SEC23A: variants seen among roughly 807,000 people sequenced by gnomAD.
The protein encoded by SEC23A is protein transport protein Sec23A.
SEC23A carries 56 observed loss-of-function variants against 103.7 expected under a neutral mutation model. The observed-to-expected ratio is 0.54, with a 90% CI of 0.44 to 0.67. The LOEUF (loss-of-function observed/expected upper bound fraction) is 0.67. Among genes scored for constraint, SEC23A ranks in the 30% least tolerant of loss-of-function variants. SEC23A has a pLI of 0.00. For missense variants in SEC23A, 784 were observed against 936.4 expected, an observed-to-expected ratio of 0.84 and a Z score of 2.12; for synonymous variants, 281 against 293.0, an observed-to-expected ratio of 0.96 and a Z score of 0.42.
chr14:39,036,157 A>G (rs1885452132), intron 19 of SEC23A, among the ~76,000 whole-genome samples: 1 of 151,754 alleles, frequency 6.6e-6, no homozygotes. Context: ...CATCTCTACT[A>G]AAAATACCAA....
intron 1 of SEC23A, among the ~76,000 whole-genome samples, 173 bp downstream of exon 1, chr14:39,102,859 A>T (rs763450649): frequency 6.6e-6 from 1 of 152,080 alleles, no homozygotes; most frequent in Non-Finnish European, 1.5e-5. Flanking sequence ...GGCAGAGCGA[A>T]GTGGGTGAGA....
At chr14:39,053,765 T>C (rs1217492728) in intron 14 of SEC23A, among the ~76,000 whole-genome samples, 1 of 152,148 alleles carries the variant, frequency 6.6e-6, no homozygotes, top group Non-Finnish European at 1.5e-5. Context: ...CAAAAGGGTG[T>C]TTAAGCTAGA....
chr14:39,096,433 G>A (rs1887895265), intron 1 of SEC23A, among the ~76,000 whole-genome samples: 1 of 152,038 alleles, frequency 6.6e-6, no homozygotes, highest in African/African-American at 2.4e-5. Flanking sequence ...AGGAGGCTGA[G>A]GCAGGAGAAT....
intron 7 of SEC23A, among the ~76,000 whole-genome samples, chr14:39,077,226 T>A (rs1887059611): frequency 9.4e-5 from 2 of 21,326 alleles, no homozygotes; most frequent in Admixed American, 6.9e-4. Context: ...AGACTCCATC[T>A]CAAAAAAAAA....
intron 13 of SEC23A, among the ~76,000 whole-genome samples, chr14:39,058,503 T>G (rs1269288111): frequency 1.3e-5 from 2 of 152,034 alleles, no homozygotes; most frequent in Non-Finnish European, 2.9e-5. Flanking sequence ...GAGACGGGGT[T>G]TCACCTTGTT....
At chr14:39,061,914 T>G in intron 12 of SEC23A, 43 bp from the exon 13 acceptor site, 1 of 1,248,222 alleles carries the variant, frequency 8.0e-7, no homozygotes, top group Middle Eastern at 1.9e-4. Context: ...AAATTTACTA[T>G]GCTGTTGTCA....
In SEC23A at chr14:39,086,960, GACC is replaced by G; in HGVS notation, c.649_651del (p.Gly217del). 1.9e-6 allele frequency: 3 copies of G among 1,597,660 alleles called. No homozygotes were observed. The highest frequency in any genetic ancestry group is 2.2e-5 in the South Asian group (2 of 90,788). On this transcript the variant is annotated inframe_deletion, in exon 6 of 20. Coordinates refer to ENST00000307712, the MANE Select transcript of SEC23A (RefSeq NM_006364.4). ...GAAGGAGGTGGCTGCTGTACCTGAG[GACC>G]ACGTGTTGCTTGAGTAAGTGGTACT... is the stretch of plus-strand genomic sequence containing the variant.
chr14:39,059,285 A>T (rs1481693657), intron 13 of SEC23A, among the ~76,000 whole-genome samples: 1 of 77,124 alleles, frequency 1.3e-5, no homozygotes, highest in African/African-American at 5.5e-5. Flanking sequence ...GTTTAAAAAA[A>T]AAAAAAAAAA....
intron 15 of SEC23A, chr14:39,047,297 G>A (rs964037245): frequency 1.5e-5 from 12 of 791,528 alleles, no homozygotes; most frequent in Non-Finnish European, 1.8e-5. Context: ...CAAATACTTA[G>A]GCTAATGCCC....
At chr14:39,094,422 ATATATATATATATATATATATTTTTTTTT>A (rs1887803375) in intron 2 of SEC23A, among the ~76,000 whole-genome samples, 2 of 63,498 alleles carry the variant, frequency 3.1e-5, no homozygotes, top group African/African-American at 2.2e-4. Flanking sequence ...ATATATATAT[ATATATATATATATATATATATTTTTTTTT>A]TTTTTTTTTC....
intron 16 of SEC23A, among the ~76,000 whole-genome samples, chr14:39,044,850 T>TA (rs1885775228): frequency 6.6e-6 from 1 of 152,158 alleles, no homozygotes; most frequent in Non-Finnish European, 1.5e-5. Flanking sequence ...TGGACATTGT[T>TA]AAAGACGTAA....
intron 7 of SEC23A, among the ~76,000 whole-genome samples, chr14:39,083,563 C>CTTTTT (rs71130810): frequency 5.4e-5 from 5 of 91,808 alleles, no homozygotes; most frequent in Admixed American, 2.6e-4. Flanking sequence ...AATAAACTTT[C>CTTTTT]TTTTTTTTTT....
chr14:39,039,486 A>T (rs1885564840), intron 18 of SEC23A: 1 of 197,880 alleles, frequency 5.1e-6, no homozygotes, highest in Admixed American at 5.7e-5. Context: ...TAAAATAATG[A>T]CCCTTAAGCT....
At chr14:39,075,799 C>T (rs1344423668) in intron 8 of SEC23A, 136 bp downstream of exon 8, 3 of 736,696 alleles carry the variant, frequency 4.1e-6, no homozygotes. Context: ...ATGAATATTT[C>T]TCCAATTCTG....
At chr14:39,038,904 C>T in intron 19 of SEC23A, 127 bp downstream of exon 19, 3 of 839,694 alleles carry the variant, frequency 3.6e-6, no homozygotes, top group Middle Eastern at 3.5e-4. Context: ...TTTCTACTCT[C>T]ATTTTTACAT....
At chr14:39,059,271 C>T (rs1261929158) in intron 13 of SEC23A, among the ~76,000 whole-genome samples, 1 of 57,888 alleles carries the variant, frequency 1.7e-5, no homozygotes, top group Non-Finnish European at 3.8e-5. Flanking sequence ...AAGTCATAGT[C>T]CTAGTTTAAA....
intron 9 of SEC23A, among the ~76,000 whole-genome samples, chr14:39,068,142 T>C (rs1042552561): frequency 6.6e-6 from 1 of 152,176 alleles, no homozygotes; most frequent in Non-Finnish European, 1.5e-5. Context: ...CTTTTTTAAT[T>C]AAAAAAATTT....
At chr14:39,101,050 G>C (rs990732766) in intron 1 of SEC23A, among the ~76,000 whole-genome samples, 1 of 151,886 alleles carries the variant, frequency 6.6e-6, no homozygotes, top group African/African-American at 2.4e-5. Flanking sequence ...CACCACGTTG[G>C]CCAGGCTGGT....
rs59260008 is a variant in SEC23A at position 39,065,997 on chromosome 14, C to CAA, written c.1228-1006_1228-1005dup. Among the ~76,000 whole-genome samples, 50 of 80,556 alleles carry CAA rather than the reference C, an allele frequency of 6.2e-4. 5 individuals are homozygous for CAA. The highest frequency in any genetic ancestry group is 2.4e-3 in the African/African-American group (45 of 19,126). 52.8% of individuals were successfully genotyped at this position (80,556 alleles called of 152,430 possible). ...GGGCAATAAGAGCGAAACTCCATCT[C>CAA]AAAAAAAAAAAAAAAAAAAAAAAAA... On this transcript the variant is annotated intron_variant, in intron 10 of 19. Transcript: ENST00000307712.
Sources: allele counts gnomAD v4.1 joint callset (sites outside exome capture counted in the v4.1 genomes callset), GRCh38; gene constraint gnomAD v4.1.1; transcripts MANE v1.5; gene names NCBI Gene and HGNC (gene_info 2026-07-23, HGNC 2026-07-21).